The following ERBB4 variants were observed in gnomAD, a reference collection of about 807,000 sequenced individuals.
ERBB4 encodes the protein erb-b2 receptor tyrosine kinase 4.
ERBB4 carries 42 observed loss-of-function variants against 158.0 expected under a neutral mutation model. The observed-to-expected ratio is 0.27, with a 90% CI of 0.21 to 0.34. The LOEUF is 0.34. Ranked by LOEUF, ERBB4 falls within the 10% of genes least tolerant of loss-of-function variation. The pLI, the probability that ERBB4 is intolerant of heterozygous loss-of-function variation, is 1.00. For missense variants in ERBB4, 1,333 were observed against 1,624.1 expected (o/e 0.82, Z 3.08); for synonymous variants, 583 against 558.7 (o/e 1.04, Z -0.61).
At chr2:212,373,574 T>C (rs1251630125) in intron 1 of ERBB4, among the ~76,000 whole-genome samples, 3 of 151,564 alleles carry the variant, frequency 2.0e-5, no homozygotes, top group Non-Finnish European at 4.4e-5. Flanking sequence ...AAGAATAATG[T>C]AGCAGTTTAA....
chr2:211,710,924 A>G (rs2073673602), intron 9 of ERBB4, among the ~76,000 whole-genome samples: 1 of 151,944 alleles, frequency 6.6e-6, no homozygotes, highest in Non-Finnish European at 1.5e-5. Flanking sequence ...GTCTTTATTA[A>G]CAGCATGATA....
chr2:211,524,122 T>C (rs897581964), intron 20 of ERBB4, among the ~76,000 whole-genome samples: 22 of 152,068 alleles, frequency 1.4e-4, no homozygotes, highest in African/African-American at 5.3e-4. Flanking sequence ...TGCCGATTGG[T>C]GTATTTACGA....
rs72399367 is a variant in ERBB4, at chr2:211,382,994, AT to A, written c.*620del. The A allele has an allele frequency of 0.014, 3,164 of 232,694 alleles. 98 individuals are homozygous for A. Among genetic ancestry groups the A allele is most frequent in the African/African-American group, 0.065 (2,956 of 45,410 alleles). The allele number at this position is 232,694 out of a possible 1,614,324, so 14.4% of individuals were successfully genotyped here. A position where few individuals can be genotyped will look rare whatever the true frequency, so the allele number is the denominator to read the frequency against. ...AAAACCAAAAAGTGTTGAAAACATA[AT>A]TACTAGTTATAACTTTAATGGAGAT... On this transcript the variant is annotated 3_prime_UTR_variant, in exon 28 of 28. Transcript: ENST00000342788.
chr2:211,390,389 C>T (rs751375732), intron 25 of ERBB4, among the ~76,000 whole-genome samples: 1 of 152,142 alleles, frequency 6.6e-6, no homozygotes, highest in Non-Finnish European at 1.5e-5. Context: ...ATTAGAATGC[C>T]AGGTATTCCA....
chr2:212,404,582 G>A (rs1397439956), intron 1 of ERBB4, among the ~76,000 whole-genome samples: 1 of 151,896 alleles, frequency 6.6e-6, no homozygotes, highest in Admixed American at 6.6e-5. Context: ...GCATGTTAGA[G>A]GATGACAAGT....
At position 211,466,172 on chromosome 2, in the gene ERBB4, T is replaced by C. The variant is rs947403221; in HGVS notation, c.2488-35072A>G. 7.9e-5 allele frequency among the ~76,000 whole-genome samples: 12 copies of C among 152,206 alleles called. No individual in the cohort carries two copies. The East Asian group carries it at 2.3e-3, about 29-fold the overall frequency. ...AGCTCTGACATTTTTAAAAGAGATA[T>C]TGCAAACGCTTTATGAAGTCTTTGT... On this transcript the variant is annotated intron_variant, in intron 20 of 27. Transcript: ENST00000342788.
At chr2:211,678,215 T>G (rs1265900143) in intron 13 of ERBB4, among the ~76,000 whole-genome samples, 5 of 151,912 alleles carry the variant, frequency 3.3e-5, no homozygotes, top group Non-Finnish European at 7.4e-5. Context: ...GTAGTTTTTC[T>G]ATTGGGCTAA....
chr2:211,556,565 G>C (rs980594092), intron 20 of ERBB4, among the ~76,000 whole-genome samples: 2 of 151,334 alleles, frequency 1.3e-5, no homozygotes, highest in East Asian at 3.9e-4. Context: ...ATACTTACAG[G>C]GTACAGAATA....
chr2:212,154,054 C>T (rs1178772144), intron 1 of ERBB4, among the ~76,000 whole-genome samples: 1 of 152,054 alleles, frequency 6.6e-6, no homozygotes, highest in Non-Finnish European at 1.5e-5. Context: ...CTACCCCATA[C>T]AACAGCTAGA....
intron 2 of ERBB4, among the ~76,000 whole-genome samples, chr2:211,963,552 C>T (rs1002240692): frequency 1.3e-5 from 2 of 152,020 alleles, no homozygotes; most frequent in African/African-American, 4.8e-5. Flanking sequence ...GCACATATTA[C>T]TGGATGGACA....
intron 3 of ERBB4, among the ~76,000 whole-genome samples, chr2:211,811,740 C>G (rs2105917585): frequency 6.6e-6 from 1 of 151,624 alleles, no homozygotes; most frequent in South Asian, 2.1e-4. Flanking sequence ...TTCTAAACTT[C>G]TCTTCTCACT....
At chr2:212,347,928 G>T (rs1438674436) in intron 1 of ERBB4, among the ~76,000 whole-genome samples, 1 of 152,068 alleles carries the variant, frequency 6.6e-6, no homozygotes, top group South Asian at 2.1e-4. Flanking sequence ...GAGCTTAAAG[G>T]CACCTCCAGT....
chr2:211,930,800 G>C (rs1204655380), intron 3 of ERBB4, among the ~76,000 whole-genome samples: 3 of 152,114 alleles, frequency 2.0e-5, no homozygotes, highest in Non-Finnish European at 2.9e-5. Context: ...CATCAAGTAG[G>C]AGGGGTAAAA....
intron 2 of ERBB4, among the ~76,000 whole-genome samples, chr2:212,017,170 G>A (rs554034076): frequency 1.3e-5 from 2 of 152,176 alleles, no homozygotes; most frequent in South Asian, 2.1e-4. Context: ...AGAATACTAC[G>A]AAGGTAATAG....
rs12616111 is a variant in ERBB4, at chr2:212,142,220, G to A, written c.83-17317C>T. On this transcript the variant is annotated intron_variant, in intron 1 of 27. Transcript: ENST00000342788. ...TTATATTTTTTATCACTTATCACCA[G>A]CTGCCATATTATATCTTCATTTACC... Among the ~76,000 whole-genome samples, 32 of 152,188 alleles carry A rather than the reference G, an allele frequency of 2.1e-4. No individual in the cohort carries two copies. The East Asian group carries it at 5.8e-3, about 28-fold the overall frequency.
chr2:211,767,554 C>G (rs2075581441), intron 4 of ERBB4, among the ~76,000 whole-genome samples: 1 of 152,172 alleles, frequency 6.6e-6, no homozygotes, highest in African/African-American at 2.4e-5. Flanking sequence ...AATTGACTGA[C>G]AGTTCCATGT....
At chr2:211,861,009 T>C (rs1433136786) in intron 3 of ERBB4, among the ~76,000 whole-genome samples, 3 of 19,092 alleles carry the variant, frequency 1.6e-4, no homozygotes, top group Non-Finnish European at 7.7e-5. Context: ...ATTATATATT[T>C]ATATATTTAT....
intron 3 of ERBB4, among the ~76,000 whole-genome samples, chr2:211,932,161 T>C (rs2125101319): frequency 6.6e-6 from 1 of 152,126 alleles, no homozygotes; most frequent in Non-Finnish European, 1.5e-5. Context: ...CTAGAACACA[T>C]AGGCTGGGTT....
At chr2:211,653,616 C>T (rs1468769511) in intron 16 of ERBB4, among the ~76,000 whole-genome samples, 1 of 151,942 alleles carries the variant, frequency 6.6e-6, no homozygotes, top group Non-Finnish European at 1.5e-5. Flanking sequence ...ATAAACTAGG[C>T]ATTTGGATAA....
Sources: allele counts gnomAD v4.1 joint callset (sites outside exome capture counted in the v4.1 genomes callset), GRCh38; gene constraint gnomAD v4.1.1; transcripts MANE v1.5; gene names NCBI Gene and HGNC (gene_info 2026-07-23, HGNC 2026-07-21).